Variants in EPHA7 observed in about 807,000 individuals in gnomAD.
The protein encoded by EPHA7 is ephrin type-A receptor 7.
A neutral mutation model predicts 112.6 loss-of-function variants in EPHA7; 25 were observed. The ratio of observed to expected loss-of-function variants is 0.22; its 90% CI spans 0.16 to 0.31. The LOEUF (loss-of-function observed/expected upper bound fraction) is 0.31, where lower values mean the gene tolerates loss of function less well. Among genes scored for constraint, EPHA7 ranks in the 10% least tolerant of loss-of-function variants. EPHA7 has a pLI of 1.00. For synonymous variants in EPHA7, 437 were observed against 406.5 expected (o/e 1.07, Z -0.90); for missense variants, 962 against 1,212.6 (o/e 0.79, Z 3.07).
At chr6:93,295,961 C>A (rs1772639578) in intron 5 of EPHA7, among the ~76,000 whole-genome samples, 1 of 151,762 alleles carries the variant, frequency 6.6e-6, no homozygotes, top group South Asian at 2.1e-4. Flanking sequence ...CCACTTCCTA[C>A]TGGAAGTTAT....
intron 5 of EPHA7, among the ~76,000 whole-genome samples, chr6:93,294,792 G>A (rs951330922): frequency 6.6e-6 from 1 of 152,016 alleles, no homozygotes; most frequent in African/African-American, 2.4e-5. Flanking sequence ...ATATGGCATT[G>A]ATAAGTCACA....
At position 93,269,600 on chromosome 6, in the gene EPHA7, T is replaced by A; in HGVS notation, c.1510A>T (p.Asn504Tyr). 6.2e-7 allele frequency: 1 copy of A among 1,601,286 alleles called. No individual in the cohort carries two copies. The highest frequency in any genetic ancestry group is 8.5e-7 in the Non-Finnish European group (1 of 1,173,936). ...KTKSTSASIN[N>Y]LKPGTVYVFQ... is the part of the protein sequence containing the mutation. ...ACATACACTGTTCCTGGTTTCAGAT[T>A]ATTAATGGAGGCTGAAGTAGACTTG... is the stretch of plus-strand genomic sequence containing the variant. Residue 504 changes from asparagine to tyrosine, a missense_variant, in exon 7 of 17, where the codon AAT becomes TAT. This residue lies in a region of EPHA7 where 746 missense variants were observed against 889.2 expected (regional missense o/e 0.84). Coordinates refer to ENST00000369303, the MANE Select transcript of EPHA7 (RefSeq NM_004440.4).
At position 93,355,576 on chromosome 6, in the gene EPHA7, C is replaced by T. The variant is rs112231669; in HGVS notation, c.1324+1141G>A. On this transcript the variant is annotated intron_variant, in intron 5 of 16. Transcript: ENST00000369303. The stretch of plus-strand genomic sequence containing the variant: ...GGCCCGATTTTAATATTGTTGATAA[C>T]GTAGCACTTTGTTGCATTTACTACA... Among the ~76,000 whole-genome samples the T allele has an allele frequency of 5.9e-5, 9 of 152,242 alleles. 1 individual carries two copies. The highest frequency in any genetic ancestry group is 4.1e-4 in the South Asian group (2 of 4,830).
chr6:93,395,561 T>C (rs752329788), intron 3 of EPHA7, among the ~76,000 whole-genome samples: 63 of 143,094 alleles, frequency 4.4e-4, no homozygotes, highest in Non-Finnish European at 7.2e-4. Flanking sequence ...GATAAGGATA[T>C]ATCTTTACTT....
chr6:93,245,377 T>C lies in EPHA7; in HGVS notation c.2803A>G (p.Ile935Val), dbSNP rs890770968. ...TTATCTTTATATCTTTCCATCTTAA[T>C]AGCTTGTAGCCATTCTCCAACTGAA... ...FCSVGEWLQA[I>V]KMERYKDNFT... Residue 935 changes from isoleucine (I) to valine (V), a missense_variant, in exon 16 of 17, where the codon ATT (isoleucine) becomes GTT (valine). Physicochemically the swap from Ile to Val is conservative, Grantham distance 29. This residue lies in a region of EPHA7 where 746 missense variants were observed against 889.2 expected (regional missense o/e 0.84). Transcript: ENST00000369303. 6.2e-7 allele frequency: 1 copy of C among 1,613,796 alleles called. No individual in the cohort carries two copies. The highest frequency in any genetic ancestry group is 1.1e-5 in the South Asian group (1 of 91,082).
intron 5 of EPHA7, among the ~76,000 whole-genome samples, chr6:93,289,657 T>A (rs1267480315): frequency 1.3e-5 from 2 of 152,126 alleles, no homozygotes; most frequent in Admixed American, 1.3e-4. Context: ...TAAGAAAGTA[T>A]GTAGAATAAT....
At position 93,241,977 on chromosome 6, in the gene EPHA7, A is replaced by G. The variant is rs1296968684; in HGVS notation, c.*1449T>C. On this transcript the variant is annotated 3_prime_UTR_variant, in exon 17 of 17. Coordinates refer to ENST00000369303, the MANE Select transcript of EPHA7 (RefSeq NM_004440.4). ...ATCTTTCTCTATTAAAATCATTATA[A>G]ACAGCCCAATTCTCTTTGGAAGTAC... is the stretch of plus-strand genomic sequence containing the variant. The G allele has an allele frequency of 4.7e-6, 1 of 213,012 alleles. No individual in the cohort carries two copies. Among genetic ancestry groups the G allele is most frequent in the Non-Finnish European group, 9.5e-6 (1 of 105,032 alleles). 13.2% of individuals were successfully genotyped at this position (213,012 alleles called of 1,614,324 possible).
chr6:93,411,252 C>A, intron 2 of EPHA7, 82 bp from the exon 3 acceptor site: 1 of 1,164,214 alleles, frequency 8.6e-7, no homozygotes, highest in Admixed American at 2.2e-5. Context: ...TTCACAAATA[C>A]AGATCTTCGA....
intron 3 of EPHA7, among the ~76,000 whole-genome samples, chr6:93,390,406 A>G (rs1582652425): frequency 6.6e-6 from 1 of 151,958 alleles, no homozygotes; most frequent in East Asian, 1.9e-4. Context: ...CATAGAAACT[A>G]CACATTAAGA....
At chr6:93,247,119 C>A in intron 14 of EPHA7, 134 bp from the exon 15 acceptor site, 1 of 764,836 alleles carries the variant, frequency 1.3e-6, no homozygotes, top group Non-Finnish European at 2.0e-6. Flanking sequence ...ACTTTTTTCC[C>A]AAAATTTCCA....
At position 93,330,020 on chromosome 6, in the gene EPHA7, CCA is replaced by C. The variant is rs1348880502; in HGVS notation, c.1324+26695_1324+26696del. 4.0e-5 allele frequency among the ~76,000 whole-genome samples: 6 copies of C among 151,176 alleles called. No individual in the cohort carries two copies. The East Asian group carries it at 1.2e-3, about 29-fold the overall frequency. The stretch of plus-strand genomic sequence containing the variant: ...TATTTTGGAGGAATTGAGAAAAATG[CCA>C]CAGTCAGTGGAATGAGAGAAGGAGA... On this transcript the variant is annotated intron_variant, in intron 5 of 16. Coordinates refer to ENST00000369303, the MANE Select transcript of EPHA7 (RefSeq NM_004440.4).
intron 1 of EPHA7, among the ~76,000 whole-genome samples, chr6:93,418,852 C>T (rs4707798): frequency 0.035 from 5,352 of 152,270 alleles, 162 homozygotes; most frequent in East Asian, 0.15. Context: ...ACTCTGGCCG[C>T]AGCTCCCACA....
Position 93,410,673 on chromosome 6 carries a change from A to C in EPHA7, c.660T>G (p.Thr220=). ...ENLAIFPDTV[T]GSEFSSLVEV... Reference sequence around the variant, plus strand: ...CGACTAAAGAGGAAAATTCTGAACCAGTCACTGTATCTGGAAAGATAGCTA... The same window carrying C: ...CGACTAAAGAGGAAAATTCTGAACCCGTCACTGTATCTGGAAAGATAGCTA... Residue 220 remains threonine, a synonymous_variant, in exon 3 of 17, where the codon ACT becomes ACG. Coordinates refer to ENST00000369303, the MANE Select transcript of EPHA7 (RefSeq NM_004440.4). This position sits in a 1 kb window ranked among gnomAD's most constrained non-coding sequence, Gnocchi z 4.0. The C allele has an allele frequency of 6.2e-7, 1 of 1,614,108 alleles. No homozygotes were observed. Among genetic ancestry groups the C allele is most frequent in the Non-Finnish European group, 8.5e-7 (1 of 1,179,978 alleles).
intron 4 of EPHA7, among the ~76,000 whole-genome samples, chr6:93,357,608 A>C (rs910796876): frequency 6.6e-6 from 1 of 151,704 alleles, no homozygotes. Context: ...TAATTCAGAA[A>C]CCATTACTTT....
rs2127844108 is a variant in EPHA7 at position 93,243,558 on chromosome 6, A to G, written c.2883-18T>C. ...TCACATCCCTGAAAAAGACAAATGC[A>G]CTTTTTATTAGGTACCTTACAAAGA... On this transcript the variant is annotated intron_variant, in intron 16 of 16. Coordinates refer to ENST00000369303, the MANE Select transcript of EPHA7 (RefSeq NM_004440.4). The G allele has an allele frequency of 6.5e-7, 1 of 1,528,978 alleles. No individual in the cohort carries two copies. The allele number at this position is 1,528,978 out of a possible 1,614,324, so 94.7% of individuals were successfully genotyped here. A position where few individuals can be genotyped will look rare whatever the true frequency, so the allele number is the denominator to read the frequency against.
At chr6:93,272,031 A>G in intron 6 of EPHA7, among the ~76,000 whole-genome samples, 1 of 151,828 alleles carries the variant, frequency 6.6e-6, no homozygotes, top group East Asian at 1.9e-4. Context: ...AATTACTACA[A>G]TATCAGAAAT....
intron 5 of EPHA7, among the ~76,000 whole-genome samples, chr6:93,350,308 C>T (rs1486764): frequency 2.4e-3 from 359 of 151,994 alleles, no homozygotes; most frequent in African/African-American, 8.1e-3. Flanking sequence ...TGCAATTTCT[C>T]GTGTAATGGA....
chr6:93,416,594 TC>T (rs1203301521), intron 1 of EPHA7, among the ~76,000 whole-genome samples: 1 of 152,152 alleles, frequency 6.6e-6, no homozygotes, highest in Non-Finnish European at 1.5e-5. Context: ...TCTCAAGTGA[TC>T]CGTGCGTCTC....
Position 93,417,926 on chromosome 6 carries a change from A to G in EPHA7, c.97+1319T>C, listed in dbSNP as rs570783023. Among the ~76,000 whole-genome samples the G allele has an allele frequency of 7.9e-5, 12 of 152,084 alleles. No homozygotes were observed. The East Asian group carries it at 2.3e-3, about 29-fold the overall frequency. Reference sequence around the variant, plus strand: ...TGGCGCCGGGTTTGAGGGGGGCTTGAGCGAACTAAGAGGAGTGCACGATGA... The same window carrying G: ...TGGCGCCGGGTTTGAGGGGGGCTTGGGCGAACTAAGAGGAGTGCACGATGA... On this transcript the variant is annotated intron_variant, in intron 1 of 16. Transcript: ENST00000369303.
Sources: allele counts gnomAD v4.1 joint callset (sites outside exome capture counted in the v4.1 genomes callset), GRCh38; gene constraint gnomAD v4.1.1; regional missense constraint gnomAD v4.1.1; non-coding constraint Gnocchi (gnomAD v3.1); transcripts MANE v1.5; gene names NCBI Gene and HGNC (gene_info 2026-07-23, HGNC 2026-07-21).